The following GALNT5 variants were observed in gnomAD, a reference collection of about 807,000 sequenced individuals.
GALNT5 encodes the protein UDP-GalNAc:polypeptide N-acetylgalactosaminyltransferase 5.
In GALNT5, 72 loss-of-function variants were observed where a neutral mutation model predicts 85.4. That is an observed-to-expected ratio of 0.84 (90% CI 0.70 to 1.03). GALNT5 has a LOEUF of 1.03. Ranked by LOEUF, GALNT5 falls within the 50% of genes least tolerant of loss-of-function variation. The pLI is 0.00. For synonymous variants in GALNT5, 404 were observed against 397.0 expected, an observed-to-expected ratio of 1.02 and a Z score of -0.21; for missense variants, 1,137 against 1,135.5, an observed-to-expected ratio of 1.00 and a Z score of -0.02.
At chr2:157,295,202 T>C (rs7566187) in intron 3 of GALNT5, among the ~76,000 whole-genome samples, 124,173 of 152,028 alleles carry the variant, frequency 0.82, 52,043 homozygotes, top group South Asian at 0.92. Context: ...CTCCTAGCCT[T>C]GCTGGTTTGT....
chr2:157,260,353 G>A (rs1178509265), intron 1 of GALNT5, among the ~76,000 whole-genome samples: 1 of 152,198 alleles, frequency 6.6e-6, no homozygotes, highest in Non-Finnish European at 1.5e-5. Context: ...TCAAGGTAAT[G>A]CAGTTCTAAA....
rs1417579473 is a variant in GALNT5 at position 157,265,835 on chromosome 2, T to G, written c.1454+6299T>G. On this transcript the variant is annotated intron_variant, in intron 1 of 9. Coordinates refer to ENST00000259056, the MANE Select transcript of GALNT5 (RefSeq NM_014568.3). ...ATGAAAGGAGCTTTTTAGAGTCTCCTGGAAAAACAGCTATATTATACCAAA... is the reference window on the plus strand; with the variant it reads ...ATGAAAGGAGCTTTTTAGAGTCTCCGGGAAAAACAGCTATATTATACCAAA... 3.9e-5 allele frequency among the ~76,000 whole-genome samples: 6 copies of G among 152,244 alleles called. No individual in the cohort carries two copies. In the South Asian group the frequency reaches 1.2e-3, roughly 31 times the overall value.
chr2:157,259,619 T>G, intron 1 of GALNT5, 83 bp downstream of exon 1: 1 of 1,031,432 alleles, frequency 9.7e-7, no homozygotes, highest in Non-Finnish European at 1.3e-6. Flanking sequence ...GATAATTCTG[T>G]GTGATTTTTG....
chr2:157,271,599 T>C (rs943263201), intron 1 of GALNT5, among the ~76,000 whole-genome samples: 1 of 152,142 alleles, frequency 6.6e-6, no homozygotes, highest in Non-Finnish European at 1.5e-5. Context: ...TGATTGTATT[T>C]ATGGTCAGGA....
In GALNT5 at chr2:157,258,596, T is replaced by C; in HGVS notation, c.514T>C (p.Ser172Pro). The C allele has an allele frequency of 6.2e-7, 1 of 1,613,370 alleles. No individual in the cohort carries two copies. Among genetic ancestry groups the C allele is most frequent in the Non-Finnish European group, 8.5e-7 (1 of 1,179,886 alleles). ...GACAGCTCAGGGGGCTCCAAAGACC[T>C]CATTCATAGCAGCAAAAGGAACTCA... Reference protein sequence around the residue: ...QTTAQGAPKTSFIAAKGTQVV... With the variant: ...QTTAQGAPKTPFIAAKGTQVV... The change falls in exon 1 of 10, where the codon TCA (serine) becomes CCA (proline). Residue 172 changes from serine (S) to proline (P), a missense_variant. Transcript: ENST00000259056.
In GALNT5 at chr2:157,317,198, A is replaced by ATATATTTT. The variant is rs1292694926; in HGVS notation, c.*5851_*5852insATATTTTT. Among the ~76,000 whole-genome samples, 1 of 132,978 alleles carries ATATATTTT rather than the reference A, an allele frequency of 7.5e-6. No individual in the cohort carries two copies. The highest frequency in any genetic ancestry group is 2.3e-4 in the South Asian group (1 of 4,354). The allele number at this position is 132,978 out of a possible 152,430, so 87.2% of individuals were successfully genotyped here. A position where few individuals can be genotyped will look rare whatever the true frequency, so the allele number is the denominator to read the frequency against. On this transcript the variant is annotated 3_prime_UTR_variant, in exon 10 of 10. Transcript: ENST00000259056. The stretch of plus-strand genomic sequence containing the variant: ...TGTATATATATATATATATATATAT[A>ATATATTTT]TTTTTTTTTTTGATGCTTTGATCTG...
At chr2:157,275,618 T>G (rs1682706309) in intron 1 of GALNT5, among the ~76,000 whole-genome samples, 1 of 152,226 alleles carries the variant, frequency 6.6e-6, no homozygotes, top group Non-Finnish European at 1.5e-5. Flanking sequence ...ATGATTTGGC[T>G]TTCTGTTTGT....
chr2:157,264,180 C>A (rs1189755153), intron 1 of GALNT5, among the ~76,000 whole-genome samples: 1 of 147,966 alleles, frequency 6.8e-6, no homozygotes, highest in African/African-American at 2.6e-5. Flanking sequence ...CACATACACA[C>A]ACACACACAC....
At chr2:157,268,065 A>T (rs1161058727) in intron 1 of GALNT5, among the ~76,000 whole-genome samples, 1 of 152,228 alleles carries the variant, frequency 6.6e-6, no homozygotes, top group East Asian at 1.9e-4. Context: ...CTGAAGGCTC[A>T]CATGAAGGCA....
intron 1 of GALNT5, among the ~76,000 whole-genome samples, chr2:157,279,743 A>C (rs2105137082): frequency 6.6e-6 from 1 of 152,358 alleles, no homozygotes; most frequent in East Asian, 1.9e-4. Flanking sequence ...CTTGGCTAAG[A>C]AAGGGAAATC....
intron 1 of GALNT5, among the ~76,000 whole-genome samples, chr2:157,267,977 C>T (rs1215011120): frequency 6.6e-6 from 1 of 152,114 alleles, no homozygotes; most frequent in African/African-American, 2.4e-5. Flanking sequence ...AATAAAATCC[C>T]AGGCAGAGCT....
chr2:157,299,443 A>C (rs1398066162), intron 5 of GALNT5, 105 bp from the exon 6 acceptor site: 5 of 674,050 alleles, frequency 7.4e-6, no homozygotes, highest in Non-Finnish European at 1.1e-5. Context: ...TCAGGTAGCT[A>C]TTCTGAAAAG....
At chr2:157,262,171 A>G (rs1470524824) in intron 1 of GALNT5, among the ~76,000 whole-genome samples, 1 of 151,428 alleles carries the variant, frequency 6.6e-6, no homozygotes, top group Non-Finnish European at 1.5e-5. Flanking sequence ...CTGTCATATC[A>G]CAACTGCTCA....
intron 1 of GALNT5, among the ~76,000 whole-genome samples, chr2:157,274,652 C>A (rs549488682): frequency 2.2e-4 from 34 of 152,284 alleles, no homozygotes; most frequent in Admixed American, 3.9e-4. Context: ...TGTTGATATT[C>A]TTTGCCCACT....
chr2:157,285,671 G>C (rs1248869029), intron 2 of GALNT5, among the ~76,000 whole-genome samples: 1 of 152,152 alleles, frequency 6.6e-6, no homozygotes, highest in Non-Finnish European at 1.5e-5. Context: ...AGGTGGGGCT[G>C]AGAGTAGAGG....
intron 1 of GALNT5, among the ~76,000 whole-genome samples, chr2:157,282,253 A>G (rs112125037): frequency 0.029 from 4,355 of 152,268 alleles, 223 homozygotes; most frequent in African/African-American, 0.096. Flanking sequence ...GCCTCAAATA[A>G]TAAGAATAAA....
intron 1 of GALNT5, among the ~76,000 whole-genome samples, chr2:157,271,560 G>A (rs1324097244): frequency 6.6e-6 from 1 of 152,104 alleles, no homozygotes; most frequent in Admixed American, 6.5e-5. Flanking sequence ...GATATCTGTT[G>A]GCAACACACA....
At chr2:157,283,769 T>C (rs770456810) in intron 1 of GALNT5, among the ~76,000 whole-genome samples, 2 of 152,210 alleles carry the variant, frequency 1.3e-5, no homozygotes, top group African/African-American at 4.8e-5. Flanking sequence ...ATTTCATAAA[T>C]TCCTGTGCCA....
chr2:157,271,448 T>C (rs1168908309), intron 1 of GALNT5, among the ~76,000 whole-genome samples: 2 of 151,876 alleles, frequency 1.3e-5, no homozygotes, highest in Non-Finnish European at 2.9e-5. Context: ...ACTGTGGAAG[T>C]AGTGTCCCTT....
Sources: allele counts gnomAD v4.1 joint callset (sites outside exome capture counted in the v4.1 genomes callset), GRCh38; gene constraint gnomAD v4.1.1; transcripts MANE v1.5; gene names NCBI Gene and HGNC (gene_info 2026-07-23, HGNC 2026-07-21).